Variants in EDARADD observed in about 807,000 individuals in gnomAD.
EDARADD encodes the protein ectodysplasin-A receptor-associated adapter protein.
Under a neutral mutation model 25.6 loss-of-function variants are expected in EDARADD, and 20 were observed. The observed-to-expected ratio is 0.78, with a 90% CI of 0.55 to 1.14. EDARADD has a LOEUF of 1.14. EDARADD is among the 50% of genes most tolerant of loss of function. The pLI is 0.00. For synonymous variants in EDARADD, 86 were observed against 94.4 expected (o/e 0.91, Z 0.52); for missense variants, 225 against 270.1 (o/e 0.83, Z 1.17).
chr1:236,476,983 C>T (rs1025337609), intron 5 of EDARADD, among the ~76,000 whole-genome samples: 3 of 151,138 alleles, frequency 2.0e-5, no homozygotes, highest in South Asian at 2.1e-4. Context: ...TAGAGCAAGA[C>T]CCTGTCTCAA....
At chr1:236,446,219 C>T (rs569414928) in intron 4 of EDARADD, among the ~76,000 whole-genome samples, 1 of 152,142 alleles carries the variant, frequency 6.6e-6, no homozygotes, top group Non-Finnish European at 1.5e-5. Flanking sequence ...TCCTGTACAG[C>T]CCTTGGCCTG....
rs1446356449 is a variant in EDARADD at position 236,395,367 on chromosome 1, G to A, written c.61+862G>A. 2 of 1,346,254 alleles carry A rather than the reference G, an allele frequency of 1.5e-6. No individual in the cohort carries two copies. Among genetic ancestry groups the A allele is most frequent in the African/African-American group, 3.1e-5 (2 of 64,630 alleles). The allele number at this position is 1,346,254 out of a possible 1,614,324, so 83.4% of individuals were successfully genotyped here. A position where few individuals can be genotyped will look rare whatever the true frequency, so the allele number is the denominator to read the frequency against. ...GTCGCGGCACCCCGGCTCCCGCCCCGCGCCTCTGGAGGGAGGTACCGAGGG... is the reference window on the plus strand; with the variant it reads ...GTCGCGGCACCCCGGCTCCCGCCCCACGCCTCTGGAGGGAGGTACCGAGGG... On this transcript the variant is annotated intron_variant, in intron 1 of 5. Coordinates refer to ENST00000334232, the MANE Select transcript of EDARADD (RefSeq NM_145861.4). This position sits in a 1 kb window ranked among gnomAD's most constrained non-coding sequence, Gnocchi z 6.9.
intron 3 of EDARADD, among the ~76,000 whole-genome samples, chr1:236,379,025 T>C (rs1399417775): frequency 1.3e-5 from 2 of 149,694 alleles, no homozygotes; most frequent in Non-Finnish European, 3.0e-5. Flanking sequence ...CTGATTGAAG[T>C]AAAAAAAAAA....
intron 4 of EDARADD, among the ~76,000 whole-genome samples, chr1:236,454,498 T>C (rs374876060): frequency 6.6e-6 from 1 of 152,220 alleles, no homozygotes; most frequent in East Asian, 1.9e-4. Flanking sequence ...CTATTGTGCT[T>C]TATTTCCTAG....
intron 1 of EDARADD, among the ~76,000 whole-genome samples, chr1:236,403,870 C>CT (rs140513950): frequency 0.092 from 14,032 of 152,244 alleles, 816 homozygotes; most frequent in Admixed American, 0.17. Flanking sequence ...TTTTGAGGAA[C>CT]TTTCCAGAAT....
intron 3 of EDARADD, among the ~76,000 whole-genome samples, chr1:236,381,538 G>A (rs1330086814): frequency 6.6e-6 from 1 of 151,628 alleles, no homozygotes; most frequent in Non-Finnish European, 1.5e-5. Context: ...CTCCCTTCTA[G>A]GCTTTTGAAC....
intron 5 of EDARADD, among the ~76,000 whole-genome samples, chr1:236,474,433 TG>T (rs138128208): frequency 6.6e-6 from 1 of 152,246 alleles, no homozygotes; most frequent in East Asian, 1.9e-4. Flanking sequence ...ATTCTTGCTT[TG>T]CACCAGTGGA....
chr1:236,463,250 G>C (rs920371207), intron 4 of EDARADD, among the ~76,000 whole-genome samples: 2 of 152,182 alleles, frequency 1.3e-5, no homozygotes, highest in Admixed American at 6.5e-5. Context: ...CATCGTTTGA[G>C]AGAACACATT....
intron 3 of EDARADD, among the ~76,000 whole-genome samples, chr1:236,355,075 A>C (rs1354662937): frequency 6.6e-6 from 1 of 152,210 alleles, no homozygotes; most frequent in African/African-American, 2.4e-5. Flanking sequence ...AACCGATATC[A>C]CAAAGCTCTC....
chr1:236,390,282 G>A (rs1194068087), upstream of EDARADD, among the ~76,000 whole-genome samples: 4 of 152,150 alleles, frequency 2.6e-5, 1 homozygote, highest in South Asian at 4.1e-4. Context: ...ATGGCCGGGC[G>A]TGGTGGCTCA....
At chr1:236,419,026 T>G (rs1372395541) in intron 3 of EDARADD, among the ~76,000 whole-genome samples, 1 of 152,244 alleles carries the variant, frequency 6.6e-6, no homozygotes, top group East Asian at 1.9e-4. Flanking sequence ...CTCCAAAACA[T>G]TTTTTAATCT....
Position 236,394,303 on chromosome 1 carries a change from A to G in EDARADD, c.-142A>G, listed in dbSNP as rs1667474158. ...CCGAAGGCAGACCAAGAGGAAGTTTATCCTCCCACCTACAAATTCCCCAGA... is the reference window on the plus strand; with the variant it reads ...CCGAAGGCAGACCAAGAGGAAGTTTGTCCTCCCACCTACAAATTCCCCAGA... On this transcript the variant is annotated 5_prime_UTR_variant, in exon 1 of 6. Transcript: ENST00000334232. The G allele has an allele frequency of 7.9e-6, 7 of 884,972 alleles. No individual in the cohort carries two copies. The highest frequency in any genetic ancestry group is 1.6e-5 in the African/African-American group (1 of 60,764). 54.8% of individuals were successfully genotyped at this position (884,972 alleles called of 1,614,324 possible).
In EDARADD at chr1:236,483,295, A is replaced by G. The variant is rs954802022; in HGVS notation, c.*646A>G. On this transcript the variant is annotated 3_prime_UTR_variant, in exon 6 of 6. Coordinates refer to ENST00000334232, the MANE Select transcript of EDARADD (RefSeq NM_145861.4). ...CCCAGTGGTGCTTCAACTGGTATCT[A>G]TGAGGTCCTAGAGCTCCAGGACAAT... The G allele has an allele frequency of 1.5e-5, 24 of 1,600,158 alleles. No individual in the cohort carries two copies. Among genetic ancestry groups the G allele is most frequent in the South Asian group, 6.6e-5 (6 of 90,794 alleles).
chr1:236,369,944 T>C (rs1667156628), intron 3 of EDARADD, among the ~76,000 whole-genome samples: 1 of 152,168 alleles, frequency 6.6e-6, no homozygotes, highest in Admixed American at 6.5e-5. Context: ...CCACTTCTCT[T>C]TGGTATGTAA....
chr1:236,434,560 C>CTCTTCAGCTA (rs938780038), intron 4 of EDARADD, among the ~76,000 whole-genome samples: 3 of 152,108 alleles, frequency 2.0e-5, no homozygotes, highest in African/African-American at 7.2e-5. Context: ...TTTTTTAAAG[C>CTCTTCAGCTA]TCTTCAGCTA....
intron 3 of EDARADD, among the ~76,000 whole-genome samples, chr1:236,364,221 A>G (rs569635722): frequency 4.7e-4 from 71 of 152,222 alleles, no homozygotes; most frequent in Non-Finnish European, 9.1e-4. Context: ...AACAGTTTTC[A>G]TTTTATAGCA....
intron 4 of EDARADD, among the ~76,000 whole-genome samples, chr1:236,429,467 T>A (rs1055179021): frequency 7.2e-5 from 11 of 151,824 alleles, no homozygotes; most frequent in African/African-American, 2.4e-4. Flanking sequence ...AAGCTCCACC[T>A]CCCAGGTTCA....
chr1:236,411,265 C>A (rs919441255), intron 2 of EDARADD, among the ~76,000 whole-genome samples: 1 of 152,164 alleles, frequency 6.6e-6, no homozygotes, highest in Non-Finnish European at 1.5e-5. Flanking sequence ...GCAGCTTTCA[C>A]AATAGAAATG....
chr1:236,461,348 A>G (rs1414883821), intron 4 of EDARADD, among the ~76,000 whole-genome samples: 1 of 152,116 alleles, frequency 6.6e-6, no homozygotes, highest in Non-Finnish European at 1.5e-5. Flanking sequence ...ATAGGGGTCT[A>G]GTTTCATTCT....
Sources: allele counts gnomAD v4.1 joint callset (sites outside exome capture counted in the v4.1 genomes callset), GRCh38; gene constraint gnomAD v4.1.1; non-coding constraint Gnocchi (gnomAD v3.1); transcripts MANE v1.5; gene names NCBI Gene and HGNC (gene_info 2026-07-23, HGNC 2026-07-21).